NALF2: variants seen among roughly 807,000 people sequenced by gnomAD.
NALF2 encodes NALCN channel auxiliary factor 2.
In NALF2, 1 loss-of-function variant was observed where a neutral mutation model predicts 24.8. That is an observed-to-expected ratio of 0.04 (90% CI 0.01 to 0.19). The LOEUF (loss-of-function observed/expected upper bound fraction) is 0.19, where lower values mean the gene tolerates loss of function less well. Among genes scored for constraint, NALF2 ranks in the 10% least tolerant of loss-of-function variants. The pLI is 1.00. For missense variants in NALF2, 458 were observed against 409.6 expected (o/e 1.12, Z -1.02); for synonymous variants, 254 against 189.8 (o/e 1.34, Z -2.78).
Position 69,504,808 on chromosome X carries a change from G to GAGCGC in NALF2, c.-474_-470dup. Among the ~76,000 whole-genome samples the GAGCGC allele has an allele frequency of 9.2e-6, 1 of 108,473 alleles. No homozygotes were observed. Among genetic ancestry groups the GAGCGC allele is most frequent in the East Asian group, 2.9e-4 (1 of 3,412 alleles). 94.2% of individuals were successfully genotyped at this position (108,473 alleles called of 115,157 possible). ...GGCGCGGGGCGAGGGGAGCGGAGCG[G>GAGCGC]AGCGCGGCGGCGGGGCCCGCACGGC... is the stretch of plus-strand genomic sequence containing the variant. On this transcript the variant is annotated 5_prime_UTR_variant, in exon 1 of 3. Coordinates refer to ENST00000252338, the MANE Select transcript of NALF2 (RefSeq NM_015686.3).
chrX:69,504,967 G>A lies in NALF2; in HGVS notation c.-316G>A, dbSNP rs1303848295. On this transcript the variant is annotated 5_prime_UTR_variant, in exon 1 of 3. Coordinates refer to ENST00000252338, the MANE Select transcript of NALF2 (RefSeq NM_015686.3). The stretch of plus-strand genomic sequence containing the variant: ...GGCCCGACACTATGAGGAGTGCGGC[G>A]CCGCCGCCGCAGCCGCCACCGCCCC... Among the ~76,000 whole-genome samples the A allele has an allele frequency of 1.9e-5, 2 of 107,097 alleles. No individual in the cohort carries two copies. Among genetic ancestry groups the A allele is most frequent in the East Asian group, 5.9e-4 (2 of 3,370 alleles). 93.0% of individuals were successfully genotyped at this position (107,097 alleles called of 115,157 possible).
chrX:69,505,753 C>G lies in NALF2; in HGVS notation c.471C>G (p.Phe157Leu), dbSNP rs144542226. ...AATTGCAATCTTTGCAGAGACTTTT[C>G]GAACCGACTACTCCGGCCCCCCCTC... is the stretch of plus-strand genomic sequence containing the variant. ...CTKLQSLQRL[F>L]EPTTPAPPLR... Residue 157 changes from phenylalanine (F) to leucine (L), a missense_variant, in exon 1 of 3, where the codon TTC becomes TTG. By Grantham distance (22) the Phe-to-Leu change is conservative. Transcript: ENST00000252338. The G allele has an allele frequency of 1.7e-6, 2 of 1,209,883 alleles. No homozygotes were observed. Among genetic ancestry groups the G allele is most frequent in the African/African-American group, 1.7e-5 (1 of 57,264 alleles).
chrX:69,521,900 A>G (rs1930740125), intron 1 of NALF2, among the ~76,000 whole-genome samples: 1 of 111,952 alleles, frequency 8.9e-6, no homozygotes, highest in East Asian at 2.8e-4. Flanking sequence ...GTACAGTGCC[A>G]GGCACTCAGA....
chrX:69,505,433 CTCT>C lies in NALF2; in HGVS notation c.157_159del (p.Phe53del). On this transcript the variant is annotated inframe_deletion, in exon 1 of 3. Transcript: ENST00000252338. Reference sequence around the variant, plus strand: ...ATGGCGACTGTCCCTGGCGTCCCTGCTCTTCTTCACCGTGCTGCTCGCTGACCA... The same window carrying C: ...ATGGCGACTGTCCCTGGCGTCCCTGCTCTTCACCGTGCTGCTCGCTGACCA... 1 of 1,148,519 alleles carries C rather than the reference CTCT, an allele frequency of 8.7e-7. No individual in the cohort carries two copies. Among genetic ancestry groups the C allele is most frequent in the Non-Finnish European group, 1.2e-6 (1 of 866,013 alleles). 94.7% of individuals were successfully genotyped at this position (1,148,519 alleles called of 1,213,427 possible). A position where few individuals can be genotyped will look rare whatever the true frequency, so the allele number is the denominator to read the frequency against.
intron 1 of NALF2, among the ~76,000 whole-genome samples, chrX:69,519,909 G>A (rs977881163): frequency 8.9e-6 from 1 of 112,040 alleles, no homozygotes; most frequent in African/African-American, 3.2e-5. Flanking sequence ...TAATGAGACT[G>A]CCTCTTAATT....
At chrX:69,519,804 C>T (rs1267953108) in intron 1 of NALF2, among the ~76,000 whole-genome samples, 6 of 112,233 alleles carry the variant, frequency 5.3e-5, no homozygotes, top group South Asian at 3.7e-4. Flanking sequence ...GTAGTCTACA[C>T]ATAGCTATCT....
In NALF2 at chrX:69,504,868, A is replaced by C. The variant is rs1490006437; in HGVS notation, c.-415A>C. 6.6e-5 allele frequency among the ~76,000 whole-genome samples: 7 copies of C among 106,331 alleles called. No homozygotes were observed. The highest frequency in any genetic ancestry group is 1.2e-4 in the Non-Finnish European group (6 of 50,908). 92.3% of individuals were successfully genotyped at this position (106,331 alleles called of 115,157 possible). A position where few individuals can be genotyped will look rare whatever the true frequency, so the allele number is the denominator to read the frequency against. ...GGGCGCAGAGCTGCGCCGAACCGAG[A>C]CGGCCGGTTTGGAGTGCGAGCCGGG... is the stretch of plus-strand genomic sequence containing the variant. On this transcript the variant is annotated 5_prime_UTR_variant, in exon 1 of 3. Coordinates refer to ENST00000252338, the MANE Select transcript of NALF2 (RefSeq NM_015686.3).
chrX:69,516,088 C>T (rs1356225230), intron 1 of NALF2, among the ~76,000 whole-genome samples: 1 of 112,098 alleles, frequency 8.9e-6, no homozygotes, highest in Non-Finnish European at 1.9e-5. Flanking sequence ...GCATAATTTA[C>T]TGAAAAGTAA....
rs781766839 is a variant in NALF2, at chrX:69,529,049, C to T, written c.918C>T (p.Cys306=). 1.7e-6 allele frequency: 2 copies of T among 1,210,562 alleles called. No homozygotes were observed. The highest frequency in any genetic ancestry group is 4.3e-5 in the Admixed American group (2 of 46,037). ...SEYFSVTQQE[C]QRWVPCKQYC... is the part of the protein sequence containing the mutation. ...ACTTCAGCGTGACCCAGCAGGAATG[C>T]CAGCGCTGGGTGCCCTGCAAGCAAT... The change falls in exon 2 of 3, where the codon TGC becomes TGT. Residue 306 remains cysteine, a synonymous_variant. Coordinates refer to ENST00000252338, the MANE Select transcript of NALF2 (RefSeq NM_015686.3).
chrX:69,506,304 A>C (rs1355946273), intron 1 of NALF2, among the ~76,000 whole-genome samples, 161 bp downstream of exon 1: 1 of 112,341 alleles, frequency 8.9e-6, no homozygotes, highest in Non-Finnish European at 1.9e-5. Context: ...TCCCTAGTGA[A>C]GAGGCCTCAG....
At chrX:69,514,197 T>TAA (rs61570141) in intron 1 of NALF2, among the ~76,000 whole-genome samples, 1 of 99,184 alleles carries the variant, frequency 1.0e-5, no homozygotes, top group East Asian at 3.2e-4. Flanking sequence ...CTCAAAAAAT[T>TAA]AAAAAAAAAA....
chrX:69,514,795 C>T (rs1260192964), intron 1 of NALF2, among the ~76,000 whole-genome samples: 1 of 111,997 alleles, frequency 8.9e-6, no homozygotes, highest in African/African-American at 3.2e-5. Context: ...GAAGTGTTTT[C>T]GATAATAGCC....
chrX:69,515,292 C>T (rs1440156540), intron 1 of NALF2, among the ~76,000 whole-genome samples: 6 of 112,288 alleles, frequency 5.3e-5, no homozygotes, highest in Non-Finnish European at 7.5e-5. Flanking sequence ...CCCCTCTGTG[C>T]AGGCTTACAT....
chrX:69,508,616 C>T lies in NALF2; in HGVS notation c.861+2473C>T, dbSNP rs1239186789. 4.5e-5 allele frequency among the ~76,000 whole-genome samples: 5 copies of T among 111,787 alleles called. No homozygotes were observed. In the Admixed American group the frequency reaches 4.7e-4, roughly 11 times the overall value. On this transcript the variant is annotated intron_variant, in intron 1 of 2. Transcript: ENST00000252338. ...TCTCCCTCAACTGAGGCCAGACCCA[C>T]CTGGCTCTCGAATCCAGCTGTATGA...
At position 69,510,401 on chromosome X, in the gene NALF2, T is replaced by G. The variant is rs774864331; in HGVS notation, c.861+4258T>G. ...TCTGCCTCACTGCCTTCCTCTCTCC[T>G]CCCACCTGCCACAGCTTTCCTGCCA... On this transcript the variant is annotated intron_variant, in intron 1 of 2. Transcript: ENST00000252338. Among the ~76,000 whole-genome samples the G allele has an allele frequency of 2.3e-4, 26 of 112,158 alleles. No individual in the cohort carries two copies. In the South Asian group the frequency reaches 9.6e-3, roughly 41 times the overall value.
At chrX:69,514,386 A>G (rs900239478) in intron 1 of NALF2, among the ~76,000 whole-genome samples, 6 of 111,418 alleles carry the variant, frequency 5.4e-5, no homozygotes, top group African/African-American at 2.0e-4. Flanking sequence ...GTTGCAGTAT[A>G]CATCAGTACT....
In NALF2 at chrX:69,529,979, T is replaced by A; in HGVS notation, c.*23T>A. The A allele has an allele frequency of 1.8e-6, 2 of 1,103,588 alleles. No individual in the cohort carries two copies. The highest frequency in any genetic ancestry group is 2.4e-6 in the Non-Finnish European group (2 of 823,800). 90.9% of individuals were successfully genotyped at this position (1,103,588 alleles called of 1,213,427 possible). On this transcript the variant is annotated 3_prime_UTR_variant, in exon 3 of 3. Coordinates refer to ENST00000252338, the MANE Select transcript of NALF2 (RefSeq NM_015686.3). ...TGACAGTAGGGAGGGAGGACAGACCTCCACCACACTGACATCAGCTCCAGC... is the reference window on the plus strand; with the variant it reads ...TGACAGTAGGGAGGGAGGACAGACCACCACCACACTGACATCAGCTCCAGC...
Position 69,506,130 on chromosome X carries a change from C to T in NALF2, c.848C>T (p.Thr283Met). 2.5e-6 allele frequency: 3 copies of T among 1,205,728 alleles called. No homozygotes were observed. Among genetic ancestry groups the T allele is most frequent in the Non-Finnish European group, 3.4e-6 (3 of 892,315 alleles). ...QAEEYSIRSC[T>M]KGCKAVYKAW... ...GAAGAGTACTCAATCCGGTCCTGCA[C>T]GAAAGGCTGTAAGGTAAGGACTGGC... The change falls in exon 1 of 3, where the codon ACG (threonine) becomes ATG (methionine). Residue 283 changes from threonine (T) to methionine (M), a missense_variant. Physicochemically the swap from Thr to Met is moderately conservative, Grantham distance 81 (BLOSUM62 -1). Transcript: ENST00000252338.
rs1247722337 is a variant in NALF2, at chrX:69,504,864, C to G, written c.-419C>G. On this transcript the variant is annotated 5_prime_UTR_variant, in exon 1 of 3. Transcript: ENST00000252338. ...TGAGGGGCGCAGAGCTGCGCCGAAC[C>G]GAGACGGCCGGTTTGGAGTGCGAGC... is the stretch of plus-strand genomic sequence containing the variant. 1.9e-5 allele frequency among the ~76,000 whole-genome samples: 2 copies of G among 107,909 alleles called. No individual in the cohort carries two copies. The highest frequency in any genetic ancestry group is 9.6e-5 in the Admixed American group (1 of 10,455). 93.7% of individuals were successfully genotyped at this position (107,909 alleles called of 115,157 possible). A position where few individuals can be genotyped will look rare whatever the true frequency, so the allele number is the denominator to read the frequency against.
Sources: allele counts gnomAD v4.1 joint callset (sites outside exome capture counted in the v4.1 genomes callset), GRCh38; gene constraint gnomAD v4.1.1; transcripts MANE v1.5; gene names NCBI Gene and HGNC (gene_info 2026-07-23, HGNC 2026-07-21).